The following KIF21A variants were observed in gnomAD, a reference collection of about 807,000 sequenced individuals.
The protein encoded by KIF21A is kinesin family member 21A.
KIF21A carries 114 observed loss-of-function variants against 202.9 expected under a neutral mutation model. The observed-to-expected ratio is 0.56, with a 90% CI of 0.48 to 0.66. The LOEUF is 0.66. Among genes scored for constraint, KIF21A ranks in the 30% least tolerant of loss-of-function variants. KIF21A has a pLI of 0.00. For missense variants in KIF21A, 1,677 were observed against 1,994.9 expected (o/e 0.84, Z 3.04); for synonymous variants, 667 against 670.8 (o/e 0.99, Z 0.09).
chr12:39,376,784 AC>A (rs1336315696), intron 1 of KIF21A, among the ~76,000 whole-genome samples: 2 of 152,134 alleles, frequency 1.3e-5, no homozygotes, highest in Admixed American at 6.6e-5. Context: ...ACTCTCTCTT[AC>A]ACTCCTACCC....
At chr12:39,332,135 A>G in intron 21 of KIF21A, 79 bp downstream of exon 21, 1 of 1,347,526 alleles carries the variant, frequency 7.4e-7, no homozygotes. Context: ...CTTCATGTAA[A>G]AACTGAAAGT....
At chr12:39,408,229 C>T (rs183630958) in intron 1 of KIF21A, among the ~76,000 whole-genome samples, 59 of 152,200 alleles carry the variant, frequency 3.9e-4, no homozygotes, top group Non-Finnish European at 6.0e-4. Context: ...TGGGATAAAA[C>T]TGTTCCACCT....
intron 1 of KIF21A, among the ~76,000 whole-genome samples, chr12:39,374,604 C>A (rs1003316691): frequency 6.6e-6 from 1 of 152,056 alleles, no homozygotes; most frequent in Non-Finnish European, 1.5e-5. Context: ...TTATTCATTC[C>A]TAAAGCAAAG....
At chr12:39,362,185 G>A (rs1949288474) in intron 7 of KIF21A, among the ~76,000 whole-genome samples, 1 of 152,134 alleles carries the variant, frequency 6.6e-6, no homozygotes, top group South Asian at 2.1e-4. Context: ...CATGCTTCCT[G>A]TAGAGCCTAC....
At chr12:39,394,834 G>T (rs1009696033) in intron 1 of KIF21A, among the ~76,000 whole-genome samples, 2 of 152,160 alleles carry the variant, frequency 1.3e-5, no homozygotes, top group African/African-American at 4.8e-5. Flanking sequence ...GGGATGGGGG[G>T]CGGGGGAGTT....
intron 1 of KIF21A, among the ~76,000 whole-genome samples, chr12:39,416,818 T>G (rs1017813112): frequency 1.4e-5 from 2 of 139,700 alleles, no homozygotes; most frequent in African/African-American, 5.2e-5. Context: ...TATGTGTGTA[T>G]ATATGTACAT....
At chr12:39,433,773 G>A (rs1480221063) in intron 1 of KIF21A, among the ~76,000 whole-genome samples, 1 of 152,190 alleles carries the variant, frequency 6.6e-6, no homozygotes, top group Non-Finnish European at 1.5e-5. Flanking sequence ...GAATTTGATA[G>A]AGTAGAGCAG....
intron 37 of KIF21A, among the ~76,000 whole-genome samples, chr12:39,295,081 T>C (rs1379277511): frequency 6.6e-6 from 1 of 152,086 alleles, no homozygotes; most frequent in Non-Finnish European, 1.5e-5. Flanking sequence ...CTGGGTAAAC[T>C]CAGCAAATAA....
chr12:39,298,863 T>G (rs1592005943), intron 37 of KIF21A, among the ~76,000 whole-genome samples: 1 of 152,238 alleles, frequency 6.6e-6, no homozygotes, highest in East Asian at 1.9e-4. Context: ...AGTGCCTCAG[T>G]TTTCCTACTT....
intron 1 of KIF21A, among the ~76,000 whole-genome samples, chr12:39,423,569 G>C (rs1002261059): frequency 1.3e-5 from 2 of 151,898 alleles, no homozygotes; most frequent in African/African-American, 2.4e-5. Context: ...AAAAATGCAG[G>C]CTGGGCGCCG....
chr12:39,324,523 G>A (rs974436554), intron 26 of KIF21A, among the ~76,000 whole-genome samples: 4 of 152,200 alleles, frequency 2.6e-5, no homozygotes, highest in Non-Finnish European at 5.9e-5. Flanking sequence ...CACATGTTGC[G>A]AAGCCAATAG....
At chr12:39,422,823 A>G (rs1320313100) in intron 1 of KIF21A, among the ~76,000 whole-genome samples, 1 of 152,164 alleles carries the variant, frequency 6.6e-6, no homozygotes, top group African/African-American at 2.4e-5. Flanking sequence ...CCCATCATCT[A>G]TCTTTCATTT....
rs1035089665 is a variant in KIF21A, at chr12:39,424,013, G to C, written c.44+18914C>G. Among the ~76,000 whole-genome samples, 22 of 111,004 alleles carry C rather than the reference G, an allele frequency of 2.0e-4. No individual in the cohort carries two copies. In the Admixed American group the frequency reaches 2.0e-3, roughly 10 times the overall value. The allele number at this position is 111,004 out of a possible 152,430, so 72.8% of individuals were successfully genotyped here. A position where few individuals can be genotyped will look rare whatever the true frequency, so the allele number is the denominator to read the frequency against. On this transcript the variant is annotated intron_variant, in intron 1 of 37. Coordinates refer to ENST00000361418, the MANE Select transcript of KIF21A (RefSeq NM_001173464.2). ...AAAAAAAAAAAAAAAAAAAAAAAAAGGCAGTCAGAAGAGAACTACTTCATC... is the reference window on the plus strand; with the variant it reads ...AAAAAAAAAAAAAAAAAAAAAAAAACGCAGTCAGAAGAGAACTACTTCATC...
At chr12:39,353,285 A>G (rs1399115902) in intron 10 of KIF21A, among the ~76,000 whole-genome samples, 3 of 152,168 alleles carry the variant, frequency 2.0e-5, no homozygotes, top group South Asian at 4.1e-4. Context: ...TCAGCCTCCC[A>G]AAGTGTTGGG....
chr12:39,335,164 C>G (rs80213290), intron 17 of KIF21A, among the ~76,000 whole-genome samples: 15,813 of 151,936 alleles, frequency 0.1, 823 homozygotes, highest in East Asian at 0.14. Flanking sequence ...GTGGCTCACA[C>G]CTTTGGGAGG....
At chr12:39,315,850 G>A (rs1312984938) in intron 30 of KIF21A, 82 bp downstream of exon 30, 1 of 958,156 alleles carries the variant, frequency 1.0e-6, no homozygotes, top group African/African-American at 1.6e-5. Flanking sequence ...CAACAAAAAT[G>A]AGACTTGCTT....
intron 1 of KIF21A, among the ~76,000 whole-genome samples, chr12:39,398,978 C>T (rs1951963897): frequency 2.0e-5 from 3 of 152,076 alleles, no homozygotes; most frequent in Admixed American, 6.6e-5. Flanking sequence ...ACTCCCCACA[C>T]TTTGGGAGGC....
At chr12:39,326,365 C>T (rs771799000) in intron 24 of KIF21A, 41 bp from the exon 25 acceptor site, 1 of 1,420,948 alleles carries the variant, frequency 7.0e-7, no homozygotes, top group South Asian at 1.2e-5. Flanking sequence ...ATCCCCATGT[C>T]ACAGTTTGAA....
chr12:39,295,867 A>C (rs1458633387), intron 37 of KIF21A, among the ~76,000 whole-genome samples: 1 of 150,988 alleles, frequency 6.6e-6, no homozygotes, highest in Non-Finnish European at 1.5e-5. Flanking sequence ...ATGCCTAGCT[A>C]ATTTTTATTG....
Sources: gnomAD v4.1 joint callset for allele counts (sites outside exome capture counted in the v4.1 genomes callset) on GRCh38, gnomAD v4.1.1 for gene constraint, MANE v1.5 for transcripts, NCBI Gene and HGNC (gene_info 2026-07-23, HGNC 2026-07-21) for gene names.